Variants in PRUNE2 observed in about 807,000 individuals in gnomAD.
PRUNE2 encodes protein prune homolog 2.
A neutral mutation model predicts 252.0 loss-of-function variants in PRUNE2; 164 were observed. The ratio of observed to expected loss-of-function variants is 0.65; its 90% CI spans 0.57 to 0.74. The LOEUF (loss-of-function observed/expected upper bound fraction) is 0.74, where lower values mean the gene tolerates loss of function less well. Among genes scored for constraint, PRUNE2 ranks in the 30% least tolerant of loss-of-function variants. The pLI, the probability that PRUNE2 is intolerant of heterozygous loss-of-function variation, is 0.00. For synonymous variants in PRUNE2, 1,292 were observed against 1,350.2 expected (o/e 0.96, Z 0.94); for missense variants, 3,495 against 3,711.0 (o/e 0.94, Z 1.51).
chr9:76,861,786 ATTT>A (rs141659920), intron 1 of PRUNE2, among the ~76,000 whole-genome samples: 53 of 137,172 alleles, frequency 3.9e-4, no homozygotes, highest in African/African-American at 1.3e-3. Flanking sequence ...TATTTACAGC[ATTT>A]TTTTTTTTTT....
intron 15 of PRUNE2, among the ~76,000 whole-genome samples, chr9:76,629,551 GT>G (rs1836525538): frequency 6.7e-6 from 1 of 150,348 alleles, no homozygotes; most frequent in South Asian, 2.1e-4. Context: ...ATATGTATAC[GT>G]TGTGGAATGG....
chr9:76,749,907 G>T (rs977649476), intron 6 of PRUNE2, among the ~76,000 whole-genome samples: 2 of 152,176 alleles, frequency 1.3e-5, no homozygotes, highest in African/African-American at 4.8e-5. Flanking sequence ...TCTTGAAATA[G>T]TATTTGCTCT....
At chr9:76,764,386 A>C (rs1026331429) in intron 6 of PRUNE2, 1 of 152,292 alleles carries the variant, frequency 6.6e-6, no homozygotes, top group African/African-American at 2.4e-5. Context: ...GCATTCTTGC[A>C]TGATGGGAGT....
intron 1 of PRUNE2, among the ~76,000 whole-genome samples, chr9:76,859,101 T>C (rs948364462): frequency 1.3e-5 from 2 of 152,092 alleles, no homozygotes; most frequent in Non-Finnish European, 2.9e-5. Flanking sequence ...CAATACAAAA[T>C]GGAATATGAT....
At chr9:76,669,925 C>T (rs2040988377) in intron 9 of PRUNE2, among the ~76,000 whole-genome samples, 1 of 152,116 alleles carries the variant, frequency 6.6e-6, no homozygotes, top group Non-Finnish European at 1.5e-5. Context: ...AAGCATCTAC[C>T]CCAACTGCCA....
At position 76,704,183 on chromosome 9, in the gene PRUNE2, T is replaced by C. The variant is rs1160833459; in HGVS notation, c.7514-84A>G. The C allele has an allele frequency of 5.4e-6, 4 of 740,290 alleles. No individual in the cohort carries two copies. In the East Asian group the frequency reaches 1.2e-4, roughly 22 times the overall value. The allele number at this position is 740,290 out of a possible 1,614,324, so 45.9% of individuals were successfully genotyped here. ...GATTTGTGATCCTTGCAAATGATCA[T>C]CTAAAAGAGGTAATTTAATATTTTT... On this transcript the variant is annotated intron_variant, in intron 8 of 18. Coordinates refer to ENST00000376718, the MANE Select transcript of PRUNE2 (RefSeq NM_015225.3).
At chr9:76,635,386 T>G (rs1839585772) in intron 15 of PRUNE2, among the ~76,000 whole-genome samples, 1 of 152,206 alleles carries the variant, frequency 6.6e-6, no homozygotes, top group African/African-American at 2.4e-5. Flanking sequence ...AATTTTCCCA[T>G]CTTAAAATTA....
Position 76,761,290 on chromosome 9 carries a change from T to G in PRUNE2, c.757-47569A>C, listed in dbSNP as rs555113412. Among the ~76,000 whole-genome samples the G allele has an allele frequency of 9.2e-5, 14 of 152,258 alleles. No homozygotes were observed. The East Asian group carries it at 2.7e-3, about 29-fold the overall frequency. ...ATTGCTGCCCCATCTTTTTTTTTCTTGAGTCATAATACACAAACTGGTCAG... is the reference window on the plus strand; with the variant it reads ...ATTGCTGCCCCATCTTTTTTTTTCTGGAGTCATAATACACAAACTGGTCAG... On this transcript the variant is annotated intron_variant, in intron 6 of 18. Transcript: ENST00000376718.
intron 7 of PRUNE2, among the ~76,000 whole-genome samples, chr9:76,711,826 A>G (rs1329836173): frequency 2.0e-5 from 3 of 152,202 alleles, no homozygotes; most frequent in Non-Finnish European, 4.4e-5. Flanking sequence ...TGCAAAAGAG[A>G]GAGTAGGAAA....
rs757749586 is a variant in PRUNE2 at position 76,706,334 on chromosome 9, A to G, written c.5940T>C (p.Asn1980=). Residue 1980 remains asparagine (N), a synonymous_variant, in exon 8 of 19, where the codon AAT becomes AAC. Coordinates refer to ENST00000376718, the MANE Select transcript of PRUNE2 (RefSeq NM_015225.3). ...PDTAFTHAEE[N]SCVTSNVSTN... ...TTGAAACATTAGATGTAACACAACTATTTTCCTCTGCGTGAGTAAAGGCTG... is the reference window on the plus strand; with the variant it reads ...TTGAAACATTAGATGTAACACAACTGTTTTCCTCTGCGTGAGTAAAGGCTG... The G allele has an allele frequency of 2.3e-5, 37 of 1,613,810 alleles. No homozygotes were observed. The East Asian group carries it at 6.5e-4, about 28-fold the overall frequency.
At chr9:76,760,335 G>C (rs2051580580) in intron 6 of PRUNE2, among the ~76,000 whole-genome samples, 1 of 152,128 alleles carries the variant, frequency 6.6e-6, no homozygotes, top group African/African-American at 2.4e-5. Flanking sequence ...GATGCTATAG[G>C]ATATTATTTC....
intron 12 of PRUNE2, among the ~76,000 whole-genome samples, chr9:76,644,165 T>C (rs1032077268): frequency 3.3e-5 from 5 of 152,158 alleles, no homozygotes; most frequent in Non-Finnish European, 4.4e-5. Flanking sequence ...CTTTTCTCTC[T>C]CCCTTGTCTC....
At chr9:76,653,096 C>G (rs1333365978) in intron 10 of PRUNE2, among the ~76,000 whole-genome samples, 1 of 152,058 alleles carries the variant, frequency 6.6e-6, no homozygotes, top group African/African-American at 2.4e-5. Flanking sequence ...TCCTCCCAAC[C>G]CCCTCAGCCT....
intron 6 of PRUNE2, chr9:76,788,250 AG>A (rs2055206972): frequency 1.8e-6 from 1 of 545,218 alleles, no homozygotes; most frequent in Admixed American, 3.4e-5. Context: ...AACACCATCA[AG>A]CAACCATCAG....
intron 9 of PRUNE2, among the ~76,000 whole-genome samples, chr9:76,663,260 C>A (rs992231430): frequency 2.0e-5 from 3 of 152,204 alleles, no homozygotes; most frequent in African/African-American, 7.2e-5. Context: ...CCCAGCTGGG[C>A]CTCTCTCATC....
chr9:76,826,764 C>A, intron 4 of PRUNE2, 32 bp from the exon 5 acceptor site: 1 of 1,539,858 alleles, frequency 6.5e-7, no homozygotes, highest in South Asian at 1.2e-5. Flanking sequence ...GCTCTTAAAG[C>A]TTTCCAGCCA....
rs970686529 is a variant in PRUNE2, at chr9:76,791,285, T to C, written c.756+32347A>G. Among the ~76,000 whole-genome samples the C allele has an allele frequency of 3.3e-4, 44 of 132,800 alleles. 1 individual carries two copies. Among genetic ancestry groups the C allele is most frequent in the Admixed American group, 2.2e-3 (28 of 12,854 alleles). 87.1% of individuals were successfully genotyped at this position (132,800 alleles called of 152,430 possible). A position where few individuals can be genotyped will look rare whatever the true frequency, so the allele number is the denominator to read the frequency against. Reference sequence around the variant, plus strand: ...TACAATAATACTGCACCAATTATCATTGGTACAATAATACTGCACCAATTA... The same window carrying C: ...TACAATAATACTGCACCAATTATCACTGGTACAATAATACTGCACCAATTA... On this transcript the variant is annotated intron_variant, in intron 6 of 18. Transcript: ENST00000376718.
intron 9 of PRUNE2, among the ~76,000 whole-genome samples, chr9:76,689,742 CTGA>C (rs2044507533): frequency 6.6e-6 from 1 of 152,178 alleles, no homozygotes; most frequent in Non-Finnish European, 1.5e-5. Flanking sequence ...AGCCAAGCCA[CTGA>C]TTGGGTGATC....
chr9:76,813,684 T>C (rs902490981), intron 6 of PRUNE2, among the ~76,000 whole-genome samples: 1 of 152,224 alleles, frequency 6.6e-6, no homozygotes, highest in Non-Finnish European at 1.5e-5. Flanking sequence ...CATTCATCGA[T>C]TGCAATGCAA....
Sources: allele counts gnomAD v4.1 joint callset (sites outside exome capture counted in the v4.1 genomes callset), GRCh38; gene constraint gnomAD v4.1.1; transcripts MANE v1.5; gene names NCBI Gene and HGNC (gene_info 2026-07-23, HGNC 2026-07-21).